The following TYR variants were observed in gnomAD, a reference collection of about 807,000 sequenced individuals.
TYR encodes LB24-AB.
Under a neutral mutation model 51.5 loss-of-function variants are expected in TYR, and 58 were observed. That is an observed-to-expected ratio of 1.13 (90% CI 0.91 to 1.40). The LOEUF is 1.40. TYR is among the 40% of genes most tolerant of loss of function. The pLI is 0.00. For missense variants in TYR, 732 were observed against 647.4 expected, an observed-to-expected ratio of 1.13 and a Z score of -1.42; for synonymous variants, 263 against 235.2, an observed-to-expected ratio of 1.12 and a Z score of -1.08.
intron 2 of TYR, among the ~76,000 whole-genome samples, chr11:89,205,304 G>A (rs191241262): frequency 9.9e-5 from 15 of 152,196 alleles, no homozygotes; most frequent in South Asian, 6.2e-4. Context: ...TGTTATTAGT[G>A]TCCTAGAAAG....
At chr11:89,201,563 A>G (rs1479010352) in intron 2 of TYR, among the ~76,000 whole-genome samples, 1 of 152,220 alleles carries the variant, frequency 6.6e-6, no homozygotes, top group Non-Finnish European at 1.5e-5. Flanking sequence ...ACTTGCATTT[A>G]TTCATTTTTA....
At chr11:89,184,052 T>C (rs1288843263) in intron 1 of TYR, among the ~76,000 whole-genome samples, 1 of 152,150 alleles carries the variant, frequency 6.6e-6, no homozygotes, top group Admixed American at 6.5e-5. Flanking sequence ...TCTTTCTGAC[T>C]AGAATCTTCA....
chr11:89,234,782 T>C lies in TYR; in HGVS notation c.1184+6812T>C, dbSNP rs1000143523. ...TTGTGGTGTCCCAAAACAATTACCA[T>C]GGTCACGTCAAAGATTTCTGGTCAC... On this transcript the variant is annotated intron_variant, in intron 3 of 4. Coordinates refer to ENST00000263321, the MANE Select transcript of TYR (RefSeq NM_000372.5). Among the ~76,000 whole-genome samples, 5 of 152,064 alleles carry C rather than the reference T, an allele frequency of 3.3e-5. No homozygotes were observed. The South Asian group carries it at 8.3e-4, about 25-fold the overall frequency.
chr11:89,222,302 G>A (rs1376976977), intron 2 of TYR, among the ~76,000 whole-genome samples: 2 of 152,160 alleles, frequency 1.3e-5, no homozygotes, highest in Non-Finnish European at 2.9e-5. Flanking sequence ...CAAACTCCAA[G>A]TGCCTGAGTC....
intron 2 of TYR, among the ~76,000 whole-genome samples, chr11:89,205,754 T>C (rs1367197038): frequency 6.6e-6 from 1 of 152,124 alleles, no homozygotes; most frequent in African/African-American, 2.4e-5. Context: ...AGAAGTTTCT[T>C]AAGAAGAAGG....
intron 2 of TYR, among the ~76,000 whole-genome samples, chr11:89,223,593 T>C (rs1943940081): frequency 6.6e-6 from 1 of 152,188 alleles, no homozygotes; most frequent in Admixed American, 6.5e-5. Flanking sequence ...CCAATCTCTG[T>C]AGGATATATA....
intron 2 of TYR, among the ~76,000 whole-genome samples, chr11:89,194,589 C>T (rs1483057356): frequency 6.6e-6 from 1 of 152,164 alleles, no homozygotes; most frequent in Non-Finnish European, 1.5e-5. Flanking sequence ...AACTTCAGCA[C>T]TGCTTTTAAA....
Position 89,292,296 on chromosome 11 carries a change from A to G in TYR, c.1367-2847A>G, listed in dbSNP as rs750909597. On this transcript the variant is annotated intron_variant, in intron 4 of 4. Transcript: ENST00000263321. Reference sequence around the variant, plus strand: ...CTCTCATATGTGTTTCAGACACTATACCAGATTCTAGAATTATATCAATGA... The same window carrying G: ...CTCTCATATGTGTTTCAGACACTATGCCAGATTCTAGAATTATATCAATGA... Among the ~76,000 whole-genome samples, 73 of 152,052 alleles carry G rather than the reference A, an allele frequency of 4.8e-4. 1 individual carries two copies. Among genetic ancestry groups the G allele is most frequent in the Admixed American group, 9.2e-4 (14 of 15,274 alleles).
chr11:89,182,666 C>A (rs150304821), intron 1 of TYR, among the ~76,000 whole-genome samples: 136 of 152,126 alleles, frequency 8.9e-4, no homozygotes, highest in Middle Eastern at 3.4e-3. Flanking sequence ...TTATTTAACT[C>A]CCAAAGCTTT....
intron 2 of TYR, among the ~76,000 whole-genome samples, chr11:89,224,575 C>G (rs556842484): frequency 2.0e-5 from 3 of 152,234 alleles, no homozygotes; most frequent in Non-Finnish European, 4.4e-5. Context: ...GCTCATCCTT[C>G]CAAGCATACT....
intron 2 of TYR, among the ~76,000 whole-genome samples, chr11:89,202,473 G>A (rs935430680): frequency 3.2e-4 from 48 of 152,012 alleles, no homozygotes; most frequent in African/African-American, 1.1e-3. Flanking sequence ...GATCTAATTG[G>A]CTATTACAAA....
intron 3 of TYR, among the ~76,000 whole-genome samples, chr11:89,278,872 T>C (rs1434393678): frequency 1.3e-5 from 2 of 151,790 alleles, no homozygotes; most frequent in African/African-American, 2.4e-5. Flanking sequence ...TTGCCTGTGA[T>C]AGTTTTTCAG....
intron 2 of TYR, among the ~76,000 whole-genome samples, chr11:89,218,087 C>T (rs1462980389): frequency 1.3e-5 from 2 of 152,166 alleles, no homozygotes; most frequent in East Asian, 3.9e-4. Context: ...GGCTTTCTCT[C>T]TATTCACTTA....
chr11:89,282,858 T>C, intron 3 of TYR, among the ~76,000 whole-genome samples: 1 of 151,800 alleles, frequency 6.6e-6, no homozygotes, highest in East Asian at 1.9e-4. Context: ...TTTAAAGTTT[T>C]TCCAGTATAG....
chr11:89,180,101 T>C (rs1013309994), intron 1 of TYR, among the ~76,000 whole-genome samples: 7 of 152,324 alleles, frequency 4.6e-5, no homozygotes, highest in East Asian at 1.9e-4. Flanking sequence ...CTGGTGTTAT[T>C]AGTCAGCTAT....
chr11:89,192,475 G>A (rs1463202654), intron 2 of TYR, among the ~76,000 whole-genome samples: 1 of 151,936 alleles, frequency 6.6e-6, no homozygotes, highest in East Asian at 1.9e-4. Flanking sequence ...CCTCTCTTTT[G>A]TAATCCTTTC....
At chr11:89,180,690 A>G (rs1943289764) in intron 1 of TYR, among the ~76,000 whole-genome samples, 1 of 152,178 alleles carries the variant, frequency 6.6e-6, no homozygotes, top group African/African-American at 2.4e-5. Flanking sequence ...AGTGGAAGGA[A>G]GATGACTGAA....
intron 3 of TYR, among the ~76,000 whole-genome samples, chr11:89,247,663 T>C (rs1324152274): frequency 6.6e-6 from 1 of 152,172 alleles, no homozygotes; most frequent in Admixed American, 6.6e-5. Flanking sequence ...AAATTGTTTA[T>C]TTTACAAAAA....
intron 1 of TYR, among the ~76,000 whole-genome samples, chr11:89,184,107 C>T (rs1458396468): frequency 6.6e-6 from 1 of 152,118 alleles, no homozygotes; most frequent in African/African-American, 2.4e-5. Flanking sequence ...AGCCTGCCTC[C>T]TCTCCTGTAT....
Sources: gnomAD v4.1 joint callset for allele counts (sites outside exome capture counted in the v4.1 genomes callset) on GRCh38, gnomAD v4.1.1 for gene constraint, MANE v1.5 for transcripts, NCBI Gene and HGNC (gene_info 2026-07-23, HGNC 2026-07-21) for gene names.